Variants in VGLL3 observed in about 807,000 individuals in gnomAD.
The protein encoded by VGLL3 is vestigial like family member 3, also known as transcription cofactor vestigial-like protein 3.
A neutral mutation model predicts 29.2 loss-of-function variants in VGLL3; 18 were observed. The observed-to-expected ratio is 0.62, with a 90% CI of 0.43 to 0.91. The LOEUF (loss-of-function observed/expected upper bound fraction) is 0.91, where lower values mean the gene tolerates loss of function less well. Ranked by LOEUF, VGLL3 falls within the 40% of genes least tolerant of loss-of-function variation. The probability of loss-of-function intolerance (pLI) is 0.00; values close to 1 mark genes in which losing one functional copy is unlikely to be tolerated. For synonymous variants in VGLL3, 180 were observed against 151.8 expected, an observed-to-expected ratio of 1.19 and a Z score of -1.36; for missense variants, 440 against 413.2, an observed-to-expected ratio of 1.06 and a Z score of -0.56.
At chr3:86,969,176 T>G in intron 2 of VGLL3, 53 bp from the exon 3 acceptor site, 1 of 1,510,960 alleles carries the variant, frequency 6.6e-7, no homozygotes, top group Non-Finnish European at 8.8e-7. Flanking sequence ...AGTTTTGGGA[T>G]AGACTTGCCT....
At chr3:86,947,950 TG>T (rs1704539516) in intron 3 of VGLL3, among the ~76,000 whole-genome samples, 1 of 152,022 alleles carries the variant, frequency 6.6e-6, no homozygotes, top group African/African-American at 2.4e-5. Context: ...ACTTTTATTT[TG>T]TTTTTTTTTT....
intron 3 of VGLL3, among the ~76,000 whole-genome samples, chr3:86,952,202 G>A (rs751403434): frequency 1.4e-4 from 22 of 152,110 alleles, no homozygotes; most frequent in South Asian, 1.2e-3. Flanking sequence ...TGAGAATAAC[G>A]GAGCTGCCAG....
Position 86,946,095 on chromosome 3 carries a change from T to C in VGLL3, c.*929A>G, listed in dbSNP as rs1056464153. ...GGTGGCATGGTTAAATGCATTTTTTTCCTTGTAGTTGTATATAACCTCTGG... is the reference window on the plus strand; with the variant it reads ...GGTGGCATGGTTAAATGCATTTTTTCCCTTGTAGTTGTATATAACCTCTGG... On this transcript the variant is annotated 3_prime_UTR_variant, in exon 4 of 4. Transcript: ENST00000398399. 1 of 152,190 alleles carries C rather than the reference T, an allele frequency of 6.6e-6. No homozygotes were observed. Among genetic ancestry groups the C allele is most frequent in the Non-Finnish European group, 1.5e-5 (1 of 68,018 alleles). The allele number at this position is 152,190 out of a possible 1,614,324, so 9.4% of individuals were successfully genotyped here. A position where few individuals can be genotyped will look rare whatever the true frequency, so the allele number is the denominator to read the frequency against.
Position 86,990,931 on chromosome 3 carries a change from G to A in VGLL3, c.-188C>T, listed in dbSNP as rs894366316. The A allele has an allele frequency of 2.7e-6, 3 of 1,093,332 alleles. No homozygotes were observed. The highest frequency in any genetic ancestry group is 3.3e-5 in the African/African-American group (2 of 59,852). 67.7% of individuals were successfully genotyped at this position (1,093,332 alleles called of 1,614,324 possible). ...CGGGGTCGGGAGGGACTGGCAATCA[G>A]CGGGGGCCCATGCGCGGGCACCTTC... On this transcript the variant is annotated 5_prime_UTR_variant, in exon 1 of 4. Transcript: ENST00000398399.
At chr3:86,984,273 C>CA (rs1705389280) in intron 1 of VGLL3, among the ~76,000 whole-genome samples, 1 of 152,182 alleles carries the variant, frequency 6.6e-6, no homozygotes, top group African/African-American at 2.4e-5. Flanking sequence ...GTCTGTGAGA[C>CA]AAAATCACAC....
At chr3:86,970,485 A>G (rs771715605) in intron 2 of VGLL3, among the ~76,000 whole-genome samples, 45 of 98,670 alleles carry the variant, frequency 4.6e-4, no homozygotes, top group African/African-American at 1.9e-3. Context: ...ACACACACGC[A>G]CACACACACA....
At position 86,941,618 on chromosome 3, in the gene VGLL3, T is replaced by G. The variant is rs1704399031; in HGVS notation, c.*5406A>C. ...TGGATCAAATTAAATTGACTAGAAC[T>G]TCAAGAGAATACTACTTTGACCAAT... is the stretch of plus-strand genomic sequence containing the variant. On this transcript the variant is annotated 3_prime_UTR_variant, in exon 4 of 4. Coordinates refer to ENST00000398399, the MANE Select transcript of VGLL3 (RefSeq NM_016206.4). The G allele has an allele frequency of 6.6e-6, 1 of 152,024 alleles. No homozygotes were observed. Among genetic ancestry groups the G allele is most frequent in the Non-Finnish European group, 1.5e-5 (1 of 67,968 alleles). 9.4% of individuals were successfully genotyped at this position (152,024 alleles called of 1,614,324 possible).
In VGLL3 at chr3:86,978,540, G is replaced by T. The variant is rs747055326; in HGVS notation, c.389C>A (p.Thr130Asn). 7.4e-6 allele frequency: 12 copies of T among 1,614,020 alleles called. No individual in the cohort carries two copies. In the South Asian group the frequency reaches 8.8e-5, roughly 12 times the overall value. Residue 130 changes from threonine to asparagine, a missense_variant, in exon 2 of 4, where the codon ACC becomes AAC. Coordinates refer to ENST00000398399, the MANE Select transcript of VGLL3 (RefSeq NM_016206.4). The part of the protein sequence containing the change: ...SAISKSKMGL[T>N]PLWRDSSALS... ...TGAATTCTTACCTCGCCATAGGGGG[G>T]TTAGCCCCATCTTGCTTTTTGAAAT...
intron 1 of VGLL3, 71 bp from the exon 2 acceptor site, chr3:86,978,873 C>CT (rs921084966): frequency 3.4e-6 from 5 of 1,451,984 alleles, no homozygotes; most frequent in African/African-American, 1.4e-5. Context: ...TAAGTTTTCA[C>CT]TTTTTTAAAA....
chr3:86,955,293 T>C (rs538377956), intron 3 of VGLL3, among the ~76,000 whole-genome samples: 2 of 152,316 alleles, frequency 1.3e-5, no homozygotes, highest in South Asian at 4.1e-4. Flanking sequence ...CAAGATATAT[T>C]GGAAAGCATT....
intron 3 of VGLL3, among the ~76,000 whole-genome samples, chr3:86,959,775 A>T (rs1704800868): frequency 6.6e-6 from 1 of 152,108 alleles, no homozygotes; most frequent in African/African-American, 2.4e-5. Context: ...ACATATCGTA[A>T]CTAACTTTTA....
At chr3:86,975,556 A>C (rs985971874) in intron 2 of VGLL3, among the ~76,000 whole-genome samples, 2 of 152,200 alleles carry the variant, frequency 1.3e-5, no homozygotes, top group Non-Finnish European at 2.9e-5. Context: ...CTTATTACCA[A>C]GAAATTTTCT....
rs946422757 is a variant in VGLL3, at chr3:86,942,760, C to T, written c.*4264G>A. ...ACTAAAAAGTCAGCTAATTAAGAAA[C>T]GTACATTTATCTCCTATACCAGGTA... is the stretch of plus-strand genomic sequence containing the variant. On this transcript the variant is annotated 3_prime_UTR_variant, in exon 4 of 4. Coordinates refer to ENST00000398399, the MANE Select transcript of VGLL3 (RefSeq NM_016206.4). 2.0e-5 allele frequency: 3 copies of T among 152,062 alleles called. No individual in the cohort carries two copies. Among genetic ancestry groups the T allele is most frequent in the African/African-American group, 2.4e-5 (1 of 41,390 alleles). The allele number at this position is 152,062 out of a possible 1,614,324, so 9.4% of individuals were successfully genotyped here.
chr3:86,947,066 A>G lies in VGLL3; in HGVS notation c.939T>C (p.Gly313=). 1 of 780,648 alleles carries G rather than the reference A, an allele frequency of 1.3e-6. No individual in the cohort carries two copies. The highest frequency in any genetic ancestry group is 2.4e-6 in the Non-Finnish European group (1 of 417,854). 48.4% of individuals were successfully genotyped at this position (780,648 alleles called of 1,614,324 possible). Residue 313 remains glycine, a splice_region_variant and synonymous_variant, in exon 4 of 4, where the codon GGT becomes GGC. Coordinates refer to ENST00000398399, the MANE Select transcript of VGLL3 (RefSeq NM_016206.4). ...DIVPSVGFDT[G]LQHQDKSKES... ...CCTTACTCTTGTCTTGATGCTGTAG[A>G]CCTGGAACAAATGACAATGGGGAAA...
At position 86,988,640 on chromosome 3, in the gene VGLL3, C is replaced by CAA. The variant is rs869098443; in HGVS notation, c.126+1976_126+1977dup. Among the ~76,000 whole-genome samples the CAA allele has an allele frequency of 5.1e-4, 7 of 13,768 alleles. 1 individual carries two copies. The highest frequency in any genetic ancestry group is 3.8e-3 in the Admixed American group (2 of 520). 9.0% of individuals were successfully genotyped at this position (13,768 alleles called of 152,430 possible). ...TGGTCAAACAGTTTCTTTACTTGAC[C>CAA]AAAAAAAAAAAAAAAAAAAAAAAAA... On this transcript the variant is annotated intron_variant, in intron 1 of 3. Coordinates refer to ENST00000398399, the MANE Select transcript of VGLL3 (RefSeq NM_016206.4).
chr3:86,970,400 C>T (rs1053131458), intron 2 of VGLL3, among the ~76,000 whole-genome samples: 1 of 151,370 alleles, frequency 6.6e-6, no homozygotes, highest in South Asian at 2.1e-4. Context: ...TGGAAGCTGA[C>T]AGACTGAGTG....
chr3:86,967,096 C>G (rs1391302392), intron 3 of VGLL3, among the ~76,000 whole-genome samples: 2 of 151,884 alleles, frequency 1.3e-5, no homozygotes, highest in Non-Finnish European at 2.9e-5. Flanking sequence ...GAGCAATAAT[C>G]ACATCCATTT....
intron 3 of VGLL3, among the ~76,000 whole-genome samples, chr3:86,957,017 T>C (rs1182543581): frequency 1.3e-5 from 2 of 151,928 alleles, no homozygotes; most frequent in Admixed American, 6.6e-5. Context: ...GTACTTAAAA[T>C]TTTTTTTGTT....
chr3:86,957,351 A>G (rs771771550), intron 3 of VGLL3, among the ~76,000 whole-genome samples: 14 of 152,376 alleles, frequency 9.2e-5, no homozygotes, highest in Non-Finnish European at 2.1e-4. Flanking sequence ...AGACAAAATA[A>G]AAATGACAGA....
Sources: gnomAD v4.1 joint callset for allele counts (sites outside exome capture counted in the v4.1 genomes callset) on GRCh38, gnomAD v4.1.1 for gene constraint, MANE v1.5 for transcripts, NCBI Gene and HGNC (gene_info 2026-07-23, HGNC 2026-07-21) for gene names.